Variants in SLU7 observed in about 807,000 individuals in gnomAD.
SLU7 encodes pre-mRNA-splicing factor SLU7.
A neutral mutation model predicts 87.0 loss-of-function variants in SLU7; 60 were observed. The observed-to-expected ratio is 0.69, with a 90% confidence interval of 0.56 to 0.86. The LOEUF (loss-of-function observed/expected upper bound fraction) is 0.86. SLU7 is among the 40% of genes least tolerant of loss of function. SLU7 has a pLI of 0.00. For missense variants in SLU7, 507 were observed against 686.6 expected, an observed-to-expected ratio of 0.74 and a Z score of 2.92; for synonymous variants, 197 against 222.0, an observed-to-expected ratio of 0.89 and a Z score of 1.00.
In SLU7 at chr5:160,403,443, G is replaced by A. The variant is rs763213192; in HGVS notation, c.1603C>T (p.Arg535Cys). 1.2e-5 allele frequency: 19 copies of A among 1,609,864 alleles called. No homozygotes were observed. The highest frequency in any genetic ancestry group is 3.4e-5 in the Admixed American group (2 of 59,212). ...LKKALNAEEA[R>C]LLHVKETMQI... ...ATGGTCTCCTTGACATGAAGAAGGC[G>A]GGCCTCCTCTGCGTTCAGTGCCTAT... is the stretch of plus-strand genomic sequence containing the variant. Residue 535 changes from arginine (R) to cysteine (C), a missense_variant, in exon 16 of 16, where the codon CGC (arginine) becomes TGC (cysteine). By Grantham distance (180) the Arg-to-Cys change is radical. Coordinates refer to ENST00000297151, the MANE Select transcript of SLU7 (RefSeq NM_006425.5).
At chr5:160,413,798 C>T (rs1472951643) in intron 4 of SLU7, 101 bp downstream of exon 4, 5 of 990,468 alleles carry the variant, frequency 5.0e-6, no homozygotes, top group African/African-American at 3.3e-5. Context: ...TTAACTTGTA[C>T]CTAAATATAG....
intron 6 of SLU7, among the ~76,000 whole-genome samples, chr5:160,411,831 G>C (rs1765251067): frequency 6.6e-6 from 1 of 151,958 alleles, no homozygotes; most frequent in South Asian, 2.1e-4. Flanking sequence ...TATAAAAAAT[G>C]TTTTGCCCAG....
intron 1 of SLU7, among the ~76,000 whole-genome samples, chr5:160,418,430 C>A (rs574433720): frequency 6.6e-6 from 1 of 152,332 alleles, no homozygotes; most frequent in African/African-American, 2.4e-5. Flanking sequence ...ACATTGGCTT[C>A]TGGGCCTAAA....
rs1244010629 is a variant in SLU7 at position 160,402,821 on chromosome 5, T to G, written c.*464A>C. 1 of 152,030 alleles carries G rather than the reference T, an allele frequency of 6.6e-6. No homozygotes were observed. The highest frequency in any genetic ancestry group is 1.9e-4 in the East Asian group (1 of 5,176). 9.4% of individuals were successfully genotyped at this position (152,030 alleles called of 1,614,324 possible). On this transcript the variant is annotated 3_prime_UTR_variant, in exon 16 of 16. Coordinates refer to ENST00000297151, the MANE Select transcript of SLU7 (RefSeq NM_006425.5). ...TCACAAGGTCAGGAGATCGAGACCA[T>G]CCTGGCTAACACGATGAAACCGTCT...
Position 160,408,585 on chromosome 5 carries a change from T to C in SLU7, c.687+65A>G, listed in dbSNP as rs1765102910. 4.3e-6 allele frequency: 6 copies of C among 1,384,394 alleles called. No homozygotes were observed. The South Asian group carries it at 7.5e-5, about 17-fold the overall frequency. 85.8% of individuals were successfully genotyped at this position (1,384,394 alleles called of 1,614,324 possible). ...TCTTTAAAAGCTATTATTAGTGTTA[T>C]TTATTATTAGCCATCAGAAATTTAA... On this transcript the variant is annotated intron_variant, in intron 7 of 15. Coordinates refer to ENST00000297151, the MANE Select transcript of SLU7 (RefSeq NM_006425.5).
Position 160,407,314 on chromosome 5 carries a change from C to T in SLU7, c.1125+162G>A, listed in dbSNP as rs950685655. Reference sequence around the variant, plus strand: ...GGTAGCTTGTTTTGCTGCAAAAGCTCATACAAAATTACCATCTGACTAAGA... The same window carrying T: ...GGTAGCTTGTTTTGCTGCAAAAGCTTATACAAAATTACCATCTGACTAAGA... On this transcript the variant is annotated intron_variant, in intron 11 of 15. Coordinates refer to ENST00000297151, the MANE Select transcript of SLU7 (RefSeq NM_006425.5). This position sits in a 1 kb window ranked among gnomAD's most constrained non-coding sequence, Gnocchi z 4.2. Among the ~76,000 whole-genome samples, 9 of 31,378 alleles carry T rather than the reference C, an allele frequency of 2.9e-4. No homozygotes were observed. The highest frequency in any genetic ancestry group is 6.1e-5 in the Non-Finnish European group (1 of 16,328). The allele number at this position is 31,378 out of a possible 152,430, so 20.6% of individuals were successfully genotyped here.
At position 160,402,339 on chromosome 5, in the gene SLU7, T is replaced by C. The variant is rs1008083760; in HGVS notation, c.*946A>G. ...TGGTAAAAGACCTACTACTGATCAG[T>C]CAATATTGACCCAATGATGAGAAAA... On this transcript the variant is annotated 3_prime_UTR_variant, in exon 16 of 16. Coordinates refer to ENST00000297151, the MANE Select transcript of SLU7 (RefSeq NM_006425.5). 2 of 152,140 alleles carry C rather than the reference T, an allele frequency of 1.3e-5. No homozygotes were observed. Among genetic ancestry groups the C allele is most frequent in the Admixed American group, 6.5e-5 (1 of 15,282 alleles). 9.4% of individuals were successfully genotyped at this position (152,140 alleles called of 1,614,324 possible).
rs974806323 is a variant in SLU7, at chr5:160,415,120, C to T, written c.170+5G>A. 8 of 1,588,998 alleles carry T rather than the reference C, an allele frequency of 5.0e-6. No homozygotes were observed. Among genetic ancestry groups the T allele is most frequent in the Non-Finnish European group, 6.8e-6 (8 of 1,169,238 alleles). The stretch of plus-strand genomic sequence containing the variant: ...AATGGATCATACAAAAAATTAAGTA[C>T]TTACTTTCCTTCTTCATCAACTTCT... On this transcript the variant is annotated splice_donor_5th_base_variant and intron_variant, in intron 2 of 15. Transcript: ENST00000297151.
chr5:160,409,124 T>TA (rs1765131954), intron 6 of SLU7, among the ~76,000 whole-genome samples: 1 of 151,998 alleles, frequency 6.6e-6, no homozygotes, highest in South Asian at 2.1e-4. Flanking sequence ...CTAAATGTGT[T>TA]AGTCTTCAGA....
Position 160,404,557 on chromosome 5 carries a change from C to T in SLU7, c.1465-1G>A. 1 of 1,563,620 alleles carries T rather than the reference C, an allele frequency of 6.4e-7. No individual in the cohort carries two copies. The highest frequency in any genetic ancestry group is 8.8e-7 in the Non-Finnish European group (1 of 1,138,984). ...CCTCTTTCAGTTTTTCTTGATGCAGCTGAAAGGGAGGATTGAAATGCAGTG... is the reference window on the plus strand; with the variant it reads ...CCTCTTTCAGTTTTTCTTGATGCAGTTGAAAGGGAGGATTGAAATGCAGTG... On this transcript the variant is annotated splice_acceptor_variant, in intron 14 of 15. Coordinates refer to ENST00000297151, the MANE Select transcript of SLU7 (RefSeq NM_006425.5). LOFTEE classifies it high-confidence loss of function.
In SLU7 at chr5:160,419,081, T is replaced by A. The variant is rs979019173; in HGVS notation, c.-75A>T. On this transcript the variant is annotated 5_prime_UTR_variant, in exon 1 of 16. Coordinates refer to ENST00000297151, the MANE Select transcript of SLU7 (RefSeq NM_006425.5). ...GACAGAATCCAAGCCAATCTCGTAA[T>A]GTTTACTTCCGGCTTTTCGCCTAAT... is the stretch of plus-strand genomic sequence containing the variant. 2.6e-5 allele frequency: 4 copies of A among 152,236 alleles called. No individual in the cohort carries two copies. The highest frequency in any genetic ancestry group is 9.6e-5 in the African/African-American group (4 of 41,460). The allele number at this position is 152,236 out of a possible 1,614,324, so 9.4% of individuals were successfully genotyped here.
chr5:160,407,679 A>C lies in SLU7; in HGVS notation c.986-64T>G. ...CATTACTGTATGCTTCTTGAAAACA[A>C]GCTTTAAACAATCCCAAACGTCTTA... is the stretch of plus-strand genomic sequence containing the variant. On this transcript the variant is annotated intron_variant, in intron 10 of 15. Transcript: ENST00000297151. This position sits in a 1 kb window ranked among gnomAD's most constrained non-coding sequence, Gnocchi z 4.2. 1.9e-6 allele frequency: 3 copies of C among 1,600,132 alleles called. No individual in the cohort carries two copies. Among genetic ancestry groups the C allele is most frequent in the Non-Finnish European group, 2.6e-6 (3 of 1,174,094 alleles).
chr5:160,405,228 T>A, intron 12 of SLU7, 93 bp from the exon 13 acceptor site: 1 of 877,404 alleles, frequency 1.1e-6, no homozygotes, highest in Non-Finnish European at 1.8e-6. Context: ...TACAGCCCAT[T>A]AAAGGTAATT....
chr5:160,403,388 T>C lies in SLU7; in HGVS notation c.1658A>G (p.Asn553Ser), dbSNP rs112324487. The change falls in exon 16 of 16, where the codon AAT (asparagine) becomes AGT (serine). Residue 553 changes from asparagine (N) to serine (S), a missense_variant. Asn to Ser is a conservative substitution (Grantham distance 46). Coordinates refer to ENST00000297151, the MANE Select transcript of SLU7 (RefSeq NM_006425.5). ...MQIDERKRPY[N>S]SMYETREPTE... Reference sequence around the variant, plus strand: ...AGGTTCTCGAGTTTCATACATGCTATTGTAAGGCCGCTTCCTCTCATCAAT... The same window carrying C: ...AGGTTCTCGAGTTTCATACATGCTACTGTAAGGCCGCTTCCTCTCATCAAT... The C allele has an allele frequency of 7.4e-6, 12 of 1,613,418 alleles. No homozygotes were observed. The African/African-American group carries it at 8.0e-5, about 11-fold the overall frequency.
At chr5:160,414,157 A>G in intron 3 of SLU7, 162 bp downstream of exon 3, 2 of 714,844 alleles carry the variant, frequency 2.8e-6, no homozygotes, top group Non-Finnish European at 4.5e-6. Context: ...TAAAATTTAT[A>G]TAAGAAACAC....
intron 2 of SLU7, 55 bp from the exon 3 acceptor site, chr5:160,414,527 G>A (rs1765373904): frequency 8.5e-7 from 1 of 1,169,904 alleles, no homozygotes; most frequent in African/African-American, 1.6e-5. Flanking sequence ...AAAATAATCA[G>A]TATTACAATT....
In SLU7 at chr5:160,401,645, AG is replaced by A. The variant is rs964012828; in HGVS notation, c.*1639del. The A allele has an allele frequency of 3.9e-5, 6 of 152,260 alleles. No homozygotes were observed. The highest frequency in any genetic ancestry group is 3.9e-4 in the Admixed American group (6 of 15,284). 9.4% of individuals were successfully genotyped at this position (152,260 alleles called of 1,614,324 possible). A position where few individuals can be genotyped will look rare whatever the true frequency, so the allele number is the denominator to read the frequency against. ...AGAAATAATGCTACAAACCACTCAC[AG>A]TTAAGTATTGTCATTTATGTATCTT... On this transcript the variant is annotated 3_prime_UTR_variant, in exon 16 of 16. Transcript: ENST00000297151.
At position 160,406,575 on chromosome 5, in the gene SLU7, T is replaced by A. The variant is rs1310413957; in HGVS notation, c.1180A>T (p.Thr394Ser). ...CTTGAGTACTCCACATAGTCTTCAG[T>A]CTGGGCTAAAAGCAATTCAGCTGGA... ...APPAELLLAQ[T>S]EDYVEYSRHG... is the part of the protein sequence containing the mutation. Residue 394 changes from threonine to serine, a missense_variant, in exon 12 of 16, where the codon ACT becomes TCT. Transcript: ENST00000297151. 1 of 1,613,502 alleles carries A rather than the reference T, an allele frequency of 6.2e-7. No homozygotes were observed. The highest frequency in any genetic ancestry group is 1.1e-5 in the South Asian group (1 of 91,046).
intron 1 of SLU7, among the ~76,000 whole-genome samples, chr5:160,418,403 T>C (rs1481046899): frequency 1.3e-5 from 2 of 152,200 alleles, no homozygotes; most frequent in African/African-American, 4.8e-5. Flanking sequence ...AACCAGTATG[T>C]TATACTTGTC....
Sources: gnomAD v4.1 joint callset for allele counts (sites outside exome capture counted in the v4.1 genomes callset) on GRCh38, gnomAD v4.1.1 for gene constraint, Gnocchi (gnomAD v3.1) non-coding constraint, MANE v1.5 for transcripts, NCBI Gene and HGNC (gene_info 2026-07-23, HGNC 2026-07-21) for gene names.